The following TLL1 variants were observed in gnomAD, a reference collection of about 807,000 sequenced individuals.
TLL1 encodes tolloid like 1.
Under a neutral mutation model 128.2 loss-of-function variants are expected in TLL1, and 49 were observed. The observed-to-expected ratio is 0.38, with a 90% CI of 0.30 to 0.48. The LOEUF (loss-of-function observed/expected upper bound fraction) is 0.48, where lower values mean the gene tolerates loss of function less well. Ranked by LOEUF, TLL1 falls within the 20% of genes least tolerant of loss-of-function variation. The pLI is 0.96. For synonymous variants in TLL1, 454 were observed against 418.8 expected, an observed-to-expected ratio of 1.08 and a Z score of -1.03; for missense variants, 1,123 against 1,242.0, an observed-to-expected ratio of 0.90 and a Z score of 1.44.
rs1317198907 is a variant in TLL1, at chr4:166,076,312, A to G, written c.2314+1309A>G. 3.9e-5 allele frequency among the ~76,000 whole-genome samples: 6 copies of G among 152,194 alleles called. No homozygotes were observed. In the East Asian group the frequency reaches 5.8e-4, roughly 15 times the overall value. ...GCTCTTGAACTCCTGAGCTCAAGCA[A>G]TCCACCTGCCACGGCCTCCCAAAGT... On this transcript the variant is annotated intron_variant, in intron 17 of 20. Coordinates refer to ENST00000061240, the MANE Select transcript of TLL1 (RefSeq NM_012464.5).
At chr4:165,890,671 C>A (rs1217147666) in intron 1 of TLL1, among the ~76,000 whole-genome samples, 1 of 152,230 alleles carries the variant, frequency 6.6e-6, no homozygotes, top group Non-Finnish European at 1.5e-5. Flanking sequence ...TTGGGCAGCT[C>A]TGCCTCTATG....
intron 1 of TLL1, among the ~76,000 whole-genome samples, chr4:165,908,026 G>T (rs1014886053): frequency 3.9e-5 from 6 of 152,152 alleles, no homozygotes; most frequent in African/African-American, 1.2e-4. Flanking sequence ...GGTGTGAGCT[G>T]GGTTTTGAGT....
chr4:166,069,316 G>A (rs759937612), intron 16 of TLL1, among the ~76,000 whole-genome samples: 4 of 151,608 alleles, frequency 2.6e-5, no homozygotes, highest in Non-Finnish European at 5.9e-5. Context: ...AAAAATTTCC[G>A]AAGTGGTTGT....
chr4:166,060,104 T>C lies in TLL1; in HGVS notation c.1923T>C (p.Asn641=), dbSNP rs779551622. 6.2e-7 allele frequency: 1 copy of C among 1,613,836 alleles called. No individual in the cohort carries two copies. Among genetic ancestry groups the C allele is most frequent in the Non-Finnish European group, 8.5e-7 (1 of 1,179,896 alleles). Reference sequence around the variant, plus strand: ...GCTGGCCCAAGGAGTACCCTCCTAATAAGAACTGTGTGTGGCAAGTGGTTG... The same window carrying C: ...GCTGGCCCAAGGAGTACCCTCCTAACAAGAACTGTGTGTGGCAAGTGGTTG... ...TPGWPKEYPP[N]KNCVWQVVAP... is the part of the protein sequence containing the mutation. Residue 641 remains asparagine, a synonymous_variant, in exon 15 of 21, where the codon AAT becomes AAC. Transcript: ENST00000061240.
intron 1 of TLL1, among the ~76,000 whole-genome samples, chr4:165,914,478 A>T (rs1378007650): frequency 6.6e-6 from 1 of 152,228 alleles, no homozygotes; most frequent in Non-Finnish European, 1.5e-5. Context: ...CAGAGATTGC[A>T]CCCAGACAGC....
chr4:166,026,346 T>A (rs1355202659), intron 9 of TLL1, among the ~76,000 whole-genome samples: 2 of 150,816 alleles, frequency 1.3e-5, no homozygotes, highest in East Asian at 4.0e-4. Context: ...TGAAATCCCA[T>A]ACCACCACTG....
chr4:166,091,108 A>ATTT lies in TLL1; in HGVS notation c.2443-19_2443-17dup. The ATTT allele has an allele frequency of 6.3e-7, 1 of 1,595,062 alleles. No homozygotes were observed. The highest frequency in any genetic ancestry group is 8.6e-7 in the Non-Finnish European group (1 of 1,169,134). ...TGATTTGTTTTTTTTTAAAAAAATT[A>ATTT]TTTCTTCTTTTTAAAAAAGGCCTTT... On this transcript the variant is annotated intron_variant, in intron 18 of 20. Coordinates refer to ENST00000061240, the MANE Select transcript of TLL1 (RefSeq NM_012464.5).
At chr4:165,898,624 T>G (rs1403788873) in intron 1 of TLL1, among the ~76,000 whole-genome samples, 4 of 152,200 alleles carry the variant, frequency 2.6e-5, no homozygotes, top group Non-Finnish European at 5.9e-5. Context: ...CTGATGAATT[T>G]GGTTTGCCAG....
chr4:166,061,853 C>T (rs1740331331), intron 15 of TLL1, among the ~76,000 whole-genome samples: 1 of 151,984 alleles, frequency 6.6e-6, no homozygotes, highest in Admixed American at 6.6e-5. Context: ...GGTTTTAGTT[C>T]TAATATTTAA....
chr4:166,014,222 GTCA>G (rs1737828383), intron 7 of TLL1, among the ~76,000 whole-genome samples: 1 of 151,850 alleles, frequency 6.6e-6, no homozygotes, highest in Non-Finnish European at 1.5e-5. Flanking sequence ...ACAAATGAAT[GTCA>G]TCATTGAGTT....
Position 166,060,026 on chromosome 4 carries a change from A to G in TLL1, c.1847-2A>G. The stretch of plus-strand genomic sequence containing the variant: ...ATACCTTTTTCTTTTCTTTTCTTCT[A>G]GCTGCTTGTGGTGGACTTCTTACCA... On this transcript the variant is annotated splice_acceptor_variant, in intron 14 of 20. Coordinates refer to ENST00000061240, the MANE Select transcript of TLL1 (RefSeq NM_012464.5). LOFTEE classifies it high-confidence loss of function. 1 of 1,613,480 alleles carries G rather than the reference A, an allele frequency of 6.2e-7. No individual in the cohort carries two copies. The highest frequency in any genetic ancestry group is 8.5e-7 in the Non-Finnish European group (1 of 1,179,748).
In TLL1 at chr4:166,083,587, G is replaced by A. The variant is rs1318589936; in HGVS notation, c.2442+5557G>A. On this transcript the variant is annotated intron_variant, in intron 18 of 20. Transcript: ENST00000061240. The stretch of plus-strand genomic sequence containing the variant: ...TTTGGTCAACACCATTCAACTCTCT[G>A]CTTCTTTAAGTTTGATCATTTTAGA... Among the ~76,000 whole-genome samples, 2 of 122,596 alleles carry A rather than the reference G, an allele frequency of 1.6e-5. 1 individual carries two copies. Among genetic ancestry groups the A allele is most frequent in the Admixed American group, 1.9e-4 (2 of 10,280 alleles). 80.4% of individuals were successfully genotyped at this position (122,596 alleles called of 152,430 possible).
At chr4:165,936,682 C>T (rs1386516022) in intron 1 of TLL1, among the ~76,000 whole-genome samples, 1 of 151,738 alleles carries the variant, frequency 6.6e-6, no homozygotes, top group African/African-American at 2.4e-5. Flanking sequence ...AATCCCAGCA[C>T]TTTGAAAGGC....
intron 8 of TLL1, among the ~76,000 whole-genome samples, chr4:166,023,840 T>C (rs541555302): frequency 3.4e-4 from 52 of 152,318 alleles, no homozygotes; most frequent in African/African-American, 1.1e-3. Flanking sequence ...AATTCAGTAC[T>C]GGCATTCTCT....
rs992095887 is a variant in TLL1 at position 166,067,156 on chromosome 4, A to T, written c.2188+1293A>T. 3.9e-5 allele frequency among the ~76,000 whole-genome samples: 6 copies of T among 151,966 alleles called. No homozygotes were observed. In the South Asian group the frequency reaches 1.0e-3, roughly 26 times the overall value. On this transcript the variant is annotated intron_variant, in intron 16 of 20. Coordinates refer to ENST00000061240, the MANE Select transcript of TLL1 (RefSeq NM_012464.5). ...CATTACGCAATATACCCATGTAACA[A>T]ACCTGCACACATCCCACATGAATCT... is the stretch of plus-strand genomic sequence containing the variant.
intron 17 of TLL1, among the ~76,000 whole-genome samples, chr4:166,076,353 A>G (rs1282274912): frequency 6.6e-6 from 1 of 152,168 alleles, no homozygotes; most frequent in South Asian, 2.1e-4. Flanking sequence ...GATCGCAGGC[A>G]TGAGCCACTG....
At chr4:165,999,640 ATTT>A (rs34111701) in intron 5 of TLL1, among the ~76,000 whole-genome samples, 2,031 of 145,430 alleles carry the variant, frequency 0.014, 48 homozygotes, top group African/African-American at 0.049. Context: ...TAATTTTTGT[ATTT>A]TTTTTTTTTT....
At chr4:165,989,163 A>G (rs1736521418) in intron 1 of TLL1, among the ~76,000 whole-genome samples, 1 of 151,988 alleles carries the variant, frequency 6.6e-6, no homozygotes, top group Non-Finnish European at 1.5e-5. Flanking sequence ...CCCCCTCTCC[A>G]CAAGCAACAA....
At chr4:165,916,581 T>C (rs1197675415) in intron 1 of TLL1, among the ~76,000 whole-genome samples, 1 of 152,142 alleles carries the variant, frequency 6.6e-6, no homozygotes, top group Non-Finnish European at 1.5e-5. Flanking sequence ...AGAAGGTAGA[T>C]AAAGGATATA....
Sources: allele counts gnomAD v4.1 joint callset (sites outside exome capture counted in the v4.1 genomes callset), GRCh38; gene constraint gnomAD v4.1.1; transcripts MANE v1.5; gene names NCBI Gene and HGNC (gene_info 2026-07-23, HGNC 2026-07-21).